The following ZNRF1 variants were observed in gnomAD, a reference collection of about 807,000 sequenced individuals.
ZNRF1 encodes E3 ubiquitin-protein ligase ZNRF1.
In ZNRF1, 3 loss-of-function variants were observed where a neutral mutation model predicts 18.4. That is an observed-to-expected ratio of 0.16 (90% confidence interval 0.07 to 0.42). The LOEUF (loss-of-function observed/expected upper bound fraction) is 0.42, where lower values mean the gene tolerates loss of function less well. Among genes scored for constraint, ZNRF1 ranks in the 10% least tolerant of loss-of-function variants. The pLI, the probability that ZNRF1 is intolerant of heterozygous loss-of-function variation, is 0.99. For synonymous variants in ZNRF1, 157 were observed against 144.2 expected, an observed-to-expected ratio of 1.09 and a Z score of -0.64; for missense variants, 310 against 329.8, an observed-to-expected ratio of 0.94 and a Z score of 0.47.
At chr16:75,086,452 AGTC>A (rs985887752) in intron 1 of ZNRF1, among the ~76,000 whole-genome samples, 1 of 152,212 alleles carries the variant, frequency 6.6e-6, no homozygotes, top group African/African-American at 2.4e-5. Flanking sequence ...GGCCTTTCCC[AGTC>A]AAGGATGTTC....
intron 1 of ZNRF1, among the ~76,000 whole-genome samples, chr16:75,006,265 A>G (rs1474344731): frequency 6.6e-6 from 1 of 152,192 alleles, no homozygotes; most frequent in Non-Finnish European, 1.5e-5. Context: ...GACAGCTTCA[A>G]AATTAGAAAA....
intron 1 of ZNRF1, among the ~76,000 whole-genome samples, chr16:75,064,283 C>CA (rs780465689): frequency 2.0e-5 from 3 of 151,800 alleles, no homozygotes; most frequent in Non-Finnish European, 4.4e-5. Context: ...ACCTGGGTGA[C>CA]AGAGTGAGAC....
At chr16:75,093,484 C>T (rs2036164650) in intron 1 of ZNRF1, 88 bp from the exon 2 acceptor site, 1 of 1,030,652 alleles carries the variant, frequency 9.7e-7, no homozygotes. Context: ...ACCCTGAGCC[C>T]ACATGGCTGT....
intron 1 of ZNRF1, among the ~76,000 whole-genome samples, chr16:75,060,634 G>A (rs1367266439): frequency 6.6e-6 from 1 of 151,630 alleles, no homozygotes; most frequent in African/African-American, 2.4e-5. Flanking sequence ...ACACCACCCT[G>A]CCTTGCTAAT....
At chr16:75,044,413 G>A (rs182016792) in intron 1 of ZNRF1, among the ~76,000 whole-genome samples, 13 of 152,246 alleles carry the variant, frequency 8.5e-5, no homozygotes, top group Admixed American at 8.5e-4. Flanking sequence ...TTTTAGTAGA[G>A]ACTGGCTTTT....
At chr16:75,085,830 G>T (rs554548295) in intron 1 of ZNRF1, among the ~76,000 whole-genome samples, 12 of 152,110 alleles carry the variant, frequency 7.9e-5, no homozygotes, top group Admixed American at 2.6e-4. Flanking sequence ...GAGTGTGTGT[G>T]TGTGTGTGTG....
intron 3 of ZNRF1, 55 bp downstream of exon 3, chr16:75,104,944 C>T: frequency 7.1e-7 from 1 of 1,406,216 alleles, no homozygotes; most frequent in Non-Finnish European, 9.8e-7. Context: ...AGGGGCGGAC[C>T]CCCATCTCCA....
intron 1 of ZNRF1, among the ~76,000 whole-genome samples, chr16:75,080,084 T>C (rs2035991158): frequency 6.6e-6 from 1 of 152,020 alleles, no homozygotes; most frequent in Non-Finnish European, 1.5e-5. Context: ...CCTGGCTAAT[T>C]TTTGTATACT....
intron 1 of ZNRF1, among the ~76,000 whole-genome samples, chr16:75,074,808 C>T (rs2035918368): frequency 6.6e-6 from 1 of 152,110 alleles, no homozygotes; most frequent in Admixed American, 6.5e-5. Flanking sequence ...TGGCTCATGC[C>T]TATAATCCCA....
intron 1 of ZNRF1, among the ~76,000 whole-genome samples, chr16:75,063,337 G>T (rs947368902): frequency 5.3e-5 from 8 of 152,126 alleles, no homozygotes; most frequent in African/African-American, 1.7e-4. Flanking sequence ...TCCCTGTGGG[G>T]TGTGCACATT....
At chr16:75,096,061 CGTGTGTGTGTGTGTGTGTGTGTGTGT>C (rs56013949) in intron 2 of ZNRF1, among the ~76,000 whole-genome samples, 2,378 of 139,742 alleles carry the variant, frequency 0.017, 63 homozygotes, top group African/African-American at 0.055. Context: ...TATGTGTGCA[CGTGTGTGTGTGTGTGTGTGTGTGTGT>C]GTGTGTGTGT....
At chr16:75,024,146 A>G (rs2035191092) in intron 1 of ZNRF1, among the ~76,000 whole-genome samples, 1 of 152,158 alleles carries the variant, frequency 6.6e-6, no homozygotes, top group African/African-American at 2.4e-5. Context: ...CTGAGATTAC[A>G]GGCATGAGCC....
intron 1 of ZNRF1, among the ~76,000 whole-genome samples, chr16:75,016,155 C>T (rs1370500388): frequency 1.3e-5 from 2 of 151,970 alleles, no homozygotes; most frequent in South Asian, 2.1e-4. Flanking sequence ...CTCCTGACCT[C>T]GTGACCCGTC....
intron 1 of ZNRF1, among the ~76,000 whole-genome samples, chr16:75,088,634 G>T (rs1303628562): frequency 6.6e-6 from 1 of 152,176 alleles, no homozygotes; most frequent in Non-Finnish European, 1.5e-5. Flanking sequence ...GAGCAAGAGC[G>T]CAGACTTCCT....
intron 1 of ZNRF1, among the ~76,000 whole-genome samples, chr16:75,085,173 C>G (rs1485519777): frequency 6.6e-6 from 1 of 152,208 alleles, no homozygotes; most frequent in Non-Finnish European, 1.5e-5. Context: ...AGAAGGTTCT[C>G]TCATTACCTT....
rs529905125 is a variant in ZNRF1, at chr16:74,999,370, G to C, written c.-302G>C. The stretch of plus-strand genomic sequence containing the variant: ...CCCTGCGGCTCCCCCGGCTTTCGGA[G>C]CCCGGGGGCGGCCTGTGGCGCGCGG... On this transcript the variant is annotated 5_prime_UTR_variant, in exon 1 of 5. Coordinates refer to ENST00000335325, the MANE Select transcript of ZNRF1 (RefSeq NM_032268.5). 13 of 222,750 alleles carry C rather than the reference G, an allele frequency of 5.8e-5. No individual in the cohort carries two copies. The highest frequency in any genetic ancestry group is 1.1e-4 in the Non-Finnish European group (13 of 114,474). 13.8% of individuals were successfully genotyped at this position (222,750 alleles called of 1,614,324 possible). A position where few individuals can be genotyped will look rare whatever the true frequency, so the allele number is the denominator to read the frequency against.
chr16:75,085,791 T>TGAGAGAGA (rs71378737), intron 1 of ZNRF1, among the ~76,000 whole-genome samples: 41,858 of 138,762 alleles, frequency 0.3, 6,517 homozygotes, highest in East Asian at 0.57. Context: ...TCCGACAGAG[T>TGAGAGAGA]GAGAGAGAGA....
intron 1 of ZNRF1, among the ~76,000 whole-genome samples, chr16:75,074,953 T>C (rs1384918588): frequency 6.6e-6 from 1 of 152,160 alleles, no homozygotes; most frequent in Non-Finnish European, 1.5e-5. Flanking sequence ...AGGAAATGTT[T>C]GTATCAGAGT....
chr16:75,061,996 T>G (rs182668508), intron 1 of ZNRF1, among the ~76,000 whole-genome samples: 255 of 152,316 alleles, frequency 1.7e-3, no homozygotes, highest in Non-Finnish European at 2.6e-3. Flanking sequence ...TAAGGTAATC[T>G]GTGAGAGAAG....
Sources: allele counts gnomAD v4.1 joint callset (sites outside exome capture counted in the v4.1 genomes callset), GRCh38; gene constraint gnomAD v4.1.1; transcripts MANE v1.5; gene names NCBI Gene and HGNC (gene_info 2026-07-23, HGNC 2026-07-21).